Variants in GEMIN8 observed in about 807,000 individuals in gnomAD.
GEMIN8 encodes gem-associated protein 8.
For missense variants in GEMIN8, 185 were observed against 205.9 expected (o/e 0.90, Z 0.62); for synonymous variants, 80 against 78.5 (o/e 1.02, Z -0.10).
chrX:14,026,734 A>C (rs1354807131), intron 1 of GEMIN8, among the ~76,000 whole-genome samples: 2 of 112,609 alleles, frequency 1.8e-5, no homozygotes, highest in African/African-American at 6.5e-5. Context: ...AAATCGTAGC[A>C]ACCAAAAAAG....
chrX:14,005,843 CCT>C (rs1398272788), downstream of GEMIN8, among the ~76,000 whole-genome samples: 1 of 111,034 alleles, frequency 9.0e-6, no homozygotes, highest in African/African-American at 3.3e-5. Flanking sequence ...GGAAAAGCCC[CCT>C]GACATCTGGT....
Position 14,008,904 on chromosome X carries a change from G to T in GEMIN8, c.*9C>A. 8.3e-7 allele frequency: 1 copy of T among 1,206,051 alleles called. No homozygotes were observed. The highest frequency in any genetic ancestry group is 1.1e-6 in the Non-Finnish European group (1 of 890,519). On this transcript the variant is annotated 3_prime_UTR_variant, in exon 5 of 5. Coordinates refer to ENST00000680255, the MANE Select transcript of GEMIN8 (RefSeq NM_001042479.2). Reference sequence around the variant, plus strand: ...AAGAAGGAGAGGCTGGGTACCCTGTGCCCTGAGCTCAGAACTTCAGGGGGA... The same window carrying T: ...AAGAAGGAGAGGCTGGGTACCCTGTTCCCTGAGCTCAGAACTTCAGGGGGA...
At chrX:14,014,640 G>T in intron 4 of GEMIN8, 1 of 383,256 alleles carries the variant, frequency 2.6e-6, no homozygotes, top group Non-Finnish European at 3.3e-6. Flanking sequence ...TAAATACTGG[G>T]CCATAAACTT....
chrX:13,989,764 C>G, the GEMIN8 span, among the ~76,000 whole-genome samples: 10 of 112,556 alleles, frequency 8.9e-5, no homozygotes, highest in Admixed American at 1.9e-4. Flanking sequence ...CAGCCTGCGC[C>G]TTAGCTGAGA....
chrX:14,024,265 G>A (rs754464291), intron 2 of GEMIN8, among the ~76,000 whole-genome samples: 7 of 112,156 alleles, frequency 6.2e-5, no homozygotes, highest in Non-Finnish European at 1.1e-4. Context: ...TTGGGAGGCC[G>A]AGGTGGGTGG....
At chrX:14,015,408 CTT>C (rs1923840052) in intron 4 of GEMIN8, among the ~76,000 whole-genome samples, 1 of 112,562 alleles carries the variant, frequency 8.9e-6, no homozygotes, top group Non-Finnish European at 1.9e-5. Context: ...ACGGAAATAT[CTT>C]GTTAGGAAAT....
the GEMIN8 span, among the ~76,000 whole-genome samples, chrX:13,994,861 C>T: frequency 8.0e-5 from 9 of 112,200 alleles, no homozygotes; most frequent in African/African-American, 2.6e-4. Flanking sequence ...ATGTATTAGT[C>T]AGGGTTCTCT....
rs745458008 is a variant in GEMIN8 at position 14,020,010 on chromosome X, T to C, written c.472+68A>G. 156 of 592,083 alleles carry C rather than the reference T, an allele frequency of 2.6e-4. 1 individual carries two copies. The African/African-American group carries it at 3.2e-3, about 12-fold the overall frequency. 48.8% of individuals were successfully genotyped at this position (592,083 alleles called of 1,213,427 possible). A position where few individuals can be genotyped will look rare whatever the true frequency, so the allele number is the denominator to read the frequency against. ...AAGAATTATAAAATTACTTTATATA[T>C]TAGAGAAAAAAAATGTAAAAGGCAG... is the stretch of plus-strand genomic sequence containing the variant. On this transcript the variant is annotated intron_variant, in intron 4 of 4. Coordinates refer to ENST00000680255, the MANE Select transcript of GEMIN8 (RefSeq NM_001042479.2).
intron 4 of GEMIN8, among the ~76,000 whole-genome samples, chrX:14,018,562 A>G (rs1484722341): frequency 8.9e-6 from 1 of 111,805 alleles, no homozygotes; most frequent in African/African-American, 3.2e-5. Context: ...ATTCCAACCC[A>G]AACATGGACA....
At chrX:14,000,673 T>G in the GEMIN8 span, among the ~76,000 whole-genome samples, 4 of 111,614 alleles carry the variant, frequency 3.6e-5, no homozygotes, top group Admixed American at 1.9e-4. Context: ...TCTATAGCTA[T>G]TATTTGGAAT....
intron 4 of GEMIN8, among the ~76,000 whole-genome samples, chrX:14,012,885 G>A (rs1321873249): frequency 1.8e-5 from 2 of 110,834 alleles, no homozygotes; most frequent in Admixed American, 9.6e-5. Flanking sequence ...AGTTGGGGTC[G>A]GACCCTGTTC....
At chrX:14,016,599 C>T (rs1451277229) in intron 4 of GEMIN8, among the ~76,000 whole-genome samples, 1 of 108,649 alleles carries the variant, frequency 9.2e-6, no homozygotes, top group Non-Finnish European at 1.9e-5. Context: ...TAATCCAGCA[C>T]TTTGGGAGGC....
At chrX:13,993,588 CA>C in the GEMIN8 span, among the ~76,000 whole-genome samples, 1 of 107,584 alleles carries the variant, frequency 9.3e-6, no homozygotes, top group Middle Eastern at 4.8e-3. Context: ...GCTAATTAAA[CA>C]AAAAAAATTT....
At chrX:14,002,224 T>G (rs56904269), downstream of GEMIN8, among the ~76,000 whole-genome samples, 30,224 of 108,260 alleles carry the variant, frequency 0.28, 3,337 homozygotes, top group Non-Finnish European at 0.3. Flanking sequence ...GTCTTCTCCC[T>G]GAACTTCCTG....
chrX:14,025,646 T>C (rs1183183091), intron 2 of GEMIN8, among the ~76,000 whole-genome samples: 4 of 111,831 alleles, frequency 3.6e-5, no homozygotes, highest in Non-Finnish European at 7.5e-5. Context: ...CGGTTGCTAA[T>C]ATGTGGGACA....
chrX:14,002,574 G>A (rs996454979), downstream of GEMIN8, among the ~76,000 whole-genome samples: 12 of 111,360 alleles, frequency 1.1e-4, no homozygotes, highest in Admixed American at 1.1e-3. Flanking sequence ...TGCAACCTCC[G>A]CTCACTGCAA....
intron 4 of GEMIN8, among the ~76,000 whole-genome samples, chrX:14,011,228 G>A (rs1923514006): frequency 9.0e-6 from 1 of 111,386 alleles, no homozygotes; most frequent in African/African-American, 3.3e-5. Context: ...AGGAAGAGCG[G>A]GGGTGACCTA....
chrX:14,021,950 ATATG>A (rs1300680453), intron 2 of GEMIN8, among the ~76,000 whole-genome samples: 6 of 98,012 alleles, frequency 6.1e-5, no homozygotes, highest in Non-Finnish European at 1.0e-4. Context: ...ATATATATGT[ATATG>A]TATGTATACA....
At chrX:14,005,430 C>G (rs1346747041), downstream of GEMIN8, among the ~76,000 whole-genome samples, 1 of 111,877 alleles carries the variant, frequency 8.9e-6, no homozygotes, top group African/African-American at 3.2e-5. Context: ...GATTGCTGAA[C>G]ATGTGGAGGT....
Sources: allele counts gnomAD v4.1 joint callset (sites outside exome capture counted in the v4.1 genomes callset), GRCh38; gene constraint gnomAD v4.1.1; transcripts MANE v1.5; gene names NCBI Gene and HGNC (gene_info 2026-07-23, HGNC 2026-07-21).